The following APBB1IP variants were observed in gnomAD, a reference collection of about 807,000 sequenced individuals.
APBB1IP encodes the protein amyloid beta precursor protein binding family B member 1 interacting protein.
A neutral mutation model predicts 64.9 loss-of-function variants in APBB1IP; 27 were observed. The observed-to-expected ratio is 0.42, with a 90% CI of 0.31 to 0.57. The LOEUF (loss-of-function observed/expected upper bound fraction) is 0.57. APBB1IP is among the 20% of genes least tolerant of loss of function. The pLI is 0.20. For synonymous variants in APBB1IP, 392 were observed against 331.0 expected (o/e 1.18, Z -2.00); for missense variants, 812 against 845.5 (o/e 0.96, Z 0.49).
intron 2 of APBB1IP, among the ~76,000 whole-genome samples, chr10:26,454,298 G>A (rs1366391358): frequency 7.2e-5 from 11 of 151,866 alleles, no homozygotes; most frequent in African/African-American, 2.2e-4. Context: ...AAAATTAGCC[G>A]GGCGTGGTGG....
Position 26,561,064 on chromosome 10 carries a change from C to CTTTTTTTTTTTT in APBB1IP, c.1369+233_1369+244dup, listed in dbSNP as rs764573338. ...CTTTTCTTTTTTTCTTTCTTTCTTT[C>CTTTTTTTTTTTT]TTTTTTTTTTTTTTTTTTTTTTTTG... is the stretch of plus-strand genomic sequence containing the variant. On this transcript the variant is annotated intron_variant, in intron 13 of 14. Transcript: ENST00000376236. Among the ~76,000 whole-genome samples the CTTTTTTTTTTTT allele has an allele frequency of 2.1e-3, 142 of 69,234 alleles. 1 individual carries two copies. The highest frequency in any genetic ancestry group is 2.3e-3 in the Non-Finnish European group (91 of 39,384). 45.4% of individuals were successfully genotyped at this position (69,234 alleles called of 152,430 possible).
Position 26,497,049 on chromosome 10 carries a change from G to C in APBB1IP, c.160+658G>C, listed in dbSNP as rs562854976. 1.1e-4 allele frequency among the ~76,000 whole-genome samples: 17 copies of C among 152,080 alleles called. No individual in the cohort carries two copies. In the South Asian group the frequency reaches 3.5e-3, roughly 32 times the overall value. On this transcript the variant is annotated intron_variant, in intron 4 of 14. Coordinates refer to ENST00000376236, the MANE Select transcript of APBB1IP (RefSeq NM_019043.4). The stretch of plus-strand genomic sequence containing the variant: ...CAAAAAGTAAAAAATAAAAAAATTA[G>C]CCAAGCGTGGTGGCATGTGCCTGTG...
rs1837060611 is a variant in APBB1IP, at chr10:26,567,210, T to C, written c.1723T>C (p.Phe575Leu). 2.2e-6 allele frequency: 3 copies of C among 1,343,096 alleles called. No individual in the cohort carries two copies. The highest frequency in any genetic ancestry group is 2.9e-6 in the Non-Finnish European group (3 of 1,051,560). 83.2% of individuals were successfully genotyped at this position (1,343,096 alleles called of 1,614,324 possible). The change falls in exon 15 of 15, where the codon TTC becomes CTC. Residue 575 changes from phenylalanine to leucine, a missense_variant. Physicochemically the swap from Phe to Leu is conservative, Grantham distance 22. Around this residue, in one of 3 missense-constraint regions of APBB1IP, gnomAD observed 381 missense variants for 352.1 expected, o/e 1.08. Coordinates refer to ENST00000376236, the MANE Select transcript of APBB1IP (RefSeq NM_019043.4). ...DPELPPPPPD[F>L]MEPPPDFVPP... ...TGAGCTCCCGCCGCCGCCCCCGGAC[T>C]TCATGGAGCCGCCCCCAGACTTCGT...
intron 8 of APBB1IP, among the ~76,000 whole-genome samples, chr10:26,522,000 C>A (rs1373167654): frequency 2.0e-5 from 3 of 152,168 alleles, no homozygotes; most frequent in African/African-American, 7.2e-5. Flanking sequence ...ATCTGCCCAC[C>A]TCGGCCTCCC....
chr10:26,536,626 C>G (rs1836627850), intron 10 of APBB1IP, among the ~76,000 whole-genome samples: 1 of 145,474 alleles, frequency 6.9e-6, no homozygotes, highest in Middle Eastern at 3.6e-3. Context: ...TAGTCTCACT[C>G]TAATCCACAG....
intron 11 of APBB1IP, among the ~76,000 whole-genome samples, chr10:26,558,994 A>C (rs1836932392): frequency 6.6e-6 from 1 of 152,180 alleles, no homozygotes; most frequent in Non-Finnish European, 1.5e-5. Context: ...CCACTGGCCC[A>C]CTTGGGCAGC....
intron 8 of APBB1IP, among the ~76,000 whole-genome samples, chr10:26,524,278 G>A (rs555381785): frequency 1.4e-4 from 21 of 152,196 alleles, no homozygotes; most frequent in Non-Finnish European, 2.9e-5. Flanking sequence ...TACCCGGGGG[G>A]TAAAGAGTGT....
intron 3 of APBB1IP, among the ~76,000 whole-genome samples, chr10:26,495,250 C>A (rs1326973734): frequency 1.3e-5 from 2 of 151,912 alleles, no homozygotes; most frequent in African/African-American, 4.8e-5. Flanking sequence ...TTGTGATCTG[C>A]CTGCCTCAGC....
intron 2 of APBB1IP, among the ~76,000 whole-genome samples, chr10:26,467,609 T>C (rs567859079): frequency 2.0e-4 from 30 of 152,272 alleles, no homozygotes; most frequent in Admixed American, 7.8e-4. Context: ...GGTGAGTGGA[T>C]CACTTAAGCC....
chr10:26,513,747 G>A (rs1836290466), intron 8 of APBB1IP, 87 bp downstream of exon 8: 1 of 1,459,498 alleles, frequency 6.9e-7, no homozygotes, highest in Non-Finnish European at 9.1e-7. Flanking sequence ...CTGGAGACAG[G>A]GTCTGAAAGG....
chr10:26,509,735 G>A (rs1162079742), intron 6 of APBB1IP: 1 of 152,160 alleles, frequency 6.6e-6, no homozygotes, highest in Admixed American at 6.5e-5. Context: ...TGGAGAGAAA[G>A]AAATGTTACC....
intron 2 of APBB1IP, among the ~76,000 whole-genome samples, chr10:26,491,912 C>T (rs935404561): frequency 4.6e-5 from 7 of 152,012 alleles, no homozygotes; most frequent in African/African-American, 1.7e-4. Context: ...CAGGCACGTG[C>T]CACCACACCC....
chr10:26,527,419 C>T (rs575367250), intron 8 of APBB1IP, among the ~76,000 whole-genome samples: 1 of 151,802 alleles, frequency 6.6e-6, no homozygotes, highest in South Asian at 2.1e-4. Flanking sequence ...TGATGGCATG[C>T]ACTTGTGGTC....
chr10:26,533,637 G>A, intron 9 of APBB1IP, 112 bp downstream of exon 9: 1 of 556,442 alleles, frequency 1.8e-6, no homozygotes, highest in Non-Finnish European at 3.0e-6. Context: ...GAAATTTTAA[G>A]TTGGGGTGTT....
chr10:26,566,852 C>A (rs1239668247), intron 14 of APBB1IP, 109 bp from the exon 15 acceptor site: 21 of 1,278,094 alleles, frequency 1.6e-5, no homozygotes, highest in Non-Finnish European at 2.2e-5. Flanking sequence ...CGCGCCACTG[C>A]ACTCAGCCTG....
chr10:26,505,999 T>G (rs1836170994), intron 6 of APBB1IP, among the ~76,000 whole-genome samples: 1 of 152,150 alleles, frequency 6.6e-6, no homozygotes, highest in Middle Eastern at 3.4e-3. Context: ...TTCACCCCAT[T>G]CTAGCTGCCT....
chr10:26,514,330 A>G (rs946365277), intron 8 of APBB1IP, among the ~76,000 whole-genome samples: 2 of 152,138 alleles, frequency 1.3e-5, no homozygotes, highest in Non-Finnish European at 2.9e-5. Flanking sequence ...TGCTTGAAAG[A>G]TGCTCTTTTC....
intron 2 of APBB1IP, among the ~76,000 whole-genome samples, chr10:26,469,890 T>C (rs943656454): frequency 3.3e-5 from 5 of 152,212 alleles, no homozygotes; most frequent in African/African-American, 1.2e-4. Flanking sequence ...CCTGTATTAA[T>C]CCACTTAGGA....
intron 8 of APBB1IP, among the ~76,000 whole-genome samples, chr10:26,529,269 C>T (rs1221548398): frequency 6.6e-6 from 1 of 152,334 alleles, no homozygotes; most frequent in East Asian, 1.9e-4. Context: ...GAGTGGGCGC[C>T]CACACCGCAG....
Sources: allele counts gnomAD v4.1 joint callset (sites outside exome capture counted in the v4.1 genomes callset), GRCh38; gene constraint gnomAD v4.1.1; regional missense constraint gnomAD v4.1.1; transcripts MANE v1.5; gene names NCBI Gene and HGNC (gene_info 2026-07-23, HGNC 2026-07-21).